The following MPP2 variants were observed in gnomAD, a reference collection of about 807,000 sequenced individuals.
The protein encoded by MPP2 is MAGUK p55 subfamily member 2.
Under a neutral mutation model 58.5 loss-of-function variants are expected in MPP2, and 42 were observed. The observed-to-expected ratio is 0.72, with a 90% CI of 0.56 to 0.93. MPP2 has a LOEUF of 0.93. Ranked by LOEUF, MPP2 falls within the 40% of genes least tolerant of loss-of-function variation. The pLI is 0.00. For synonymous variants in MPP2, 300 were observed against 307.8 expected (o/e 0.97, Z 0.26); for missense variants, 632 against 760.4 (o/e 0.83, Z 1.99).
chr17:43,892,980 TTTGATGGATGGATGGATGGATGGA>T (rs2047670800), intron 3 of MPP2, among the ~76,000 whole-genome samples: 1 of 141,468 alleles, frequency 7.1e-6, no homozygotes, highest in Non-Finnish European at 1.5e-5. Context: ...AAAATAGGTA[TTTGATGGATGGATGGATGGATGGA>T]TGGATGGATG....
intron 12 of MPP2, among the ~76,000 whole-genome samples, chr17:43,878,431 T>C (rs1430784116): frequency 6.6e-6 from 1 of 152,082 alleles, no homozygotes; most frequent in African/African-American, 2.4e-5. Context: ...AATCCACAAG[T>C]ACCCAGGGCA....
rs953978332 is a variant in MPP2 at position 43,882,375 on chromosome 17, G to C, written c.590C>G (p.Pro197Arg). The C allele has an allele frequency of 5.0e-6, 8 of 1,612,260 alleles. No individual in the cohort carries two copies. Among genetic ancestry groups the C allele is most frequent in the Non-Finnish European group, 6.8e-6 (8 of 1,179,968 alleles). The change falls in exon 6 of 13, where the codon CCC (proline) becomes CGC (arginine). Residue 197 changes from proline to arginine, a missense_variant. Physicochemically the swap from Pro to Arg is moderately radical, Grantham distance 103. Coordinates refer to ENST00000269095, the MANE Select transcript of MPP2 (RefSeq NM_005374.5). The stretch of plus-strand genomic sequence containing the variant: ...GCGCAGGAGCTCCTGCAGTGCGCGG[G>C]GGTCACTGCCCACTGGCTGCCCGTT... ...EVNGQPVGSD[P>R]RALQELLRNA...
At chr17:43,893,057 C>T (rs900340800) in intron 3 of MPP2, among the ~76,000 whole-genome samples, 3 of 151,994 alleles carry the variant, frequency 2.0e-5, no homozygotes, top group Admixed American at 6.6e-5. Context: ...AATGACATAG[C>T]CAGCCAGCCA....
chr17:43,877,039 G>A lies in MPP2; in HGVS notation c.*768C>T, dbSNP rs1173139534. 1 of 152,760 alleles carries A rather than the reference G, an allele frequency of 6.5e-6. No homozygotes were observed. Among genetic ancestry groups the A allele is most frequent in the African/African-American group, 2.4e-5 (1 of 41,486 alleles). The allele number at this position is 152,760 out of a possible 1,614,324, so 9.5% of individuals were successfully genotyped here. On this transcript the variant is annotated 3_prime_UTR_variant, in exon 13 of 13. Coordinates refer to ENST00000269095, the MANE Select transcript of MPP2 (RefSeq NM_005374.5). ...CAGCCCTCCATCCTGCCCCTACCTG[G>A]GCTGAGCCCACTGGCCCCTGCCAGC...
upstream of MPP2, chr17:43,907,655 T>G: frequency 1.0e-6 from 1 of 985,618 alleles, no homozygotes; most frequent in Non-Finnish European, 1.2e-6. Flanking sequence ...GAGGAAGTAG[T>G]CTTTCCCAGC....
chr17:43,900,486 C>G (rs2048043090), intron 2 of MPP2: 1 of 1,548,696 alleles, frequency 6.5e-7, no homozygotes, highest in East Asian at 2.4e-5. Flanking sequence ...CTCTGGAGCT[C>G]CGCTTCCTCA....
intron 3 of MPP2, among the ~76,000 whole-genome samples, chr17:43,895,710 T>G (rs897487074): frequency 1.2e-4 from 18 of 152,176 alleles, no homozygotes; most frequent in African/African-American, 4.1e-4. Context: ...CTATGTTACA[T>G]GAACTGCACT....
Position 43,879,314 on chromosome 17 carries a change from C to T in MPP2, c.1443G>A (p.Arg481=). 6.2e-7 allele frequency: 1 copy of T among 1,614,202 alleles called. No individual in the cohort carries two copies. The part of the protein sequence containing the change: ...PDFETLRAMN[R]AALESGISTK... The stretch of plus-strand genomic sequence containing the variant: ...TGGATATTCCACTCTCCAGCGCAGC[C>T]CTGTTCATGGCCCGCAGGGTCTCGA... The change falls in exon 12 of 13, where the codon AGG becomes AGA. Residue 481 remains arginine (R), a synonymous_variant. Transcript: ENST00000269095. The surrounding 1 kb of genome is among the most constrained non-coding windows in gnomAD (Gnocchi z 4.1).
chr17:43,906,349 C>T (rs538266211), intron 1 of MPP2, among the ~76,000 whole-genome samples: 1 of 152,338 alleles, frequency 6.6e-6, no homozygotes, highest in Non-Finnish European at 1.5e-5. Flanking sequence ...CAGTGCCAGG[C>T]AAGCTAGCCT....
chr17:43,880,746 G>C lies in MPP2; in HGVS notation c.1095C>G (p.Ser365Arg), dbSNP rs200893593. The change falls in exon 10 of 13, where the codon AGC (serine) becomes AGG (arginine). Residue 365 changes from serine to arginine, a missense_variant. Transcript: ENST00000269095. This position sits in a 1 kb window ranked among gnomAD's most constrained non-coding sequence, Gnocchi z 5.2. ...LIGAQGVGRR[S>R]LKNKLIMWDP... ...CCCACATGATGAGCTTGTTCTTCAG[G>C]CTGCGCCGTCCCACGCCCTGAGCCC... is the stretch of plus-strand genomic sequence containing the variant. 1 of 1,613,984 alleles carries C rather than the reference G, an allele frequency of 6.2e-7. No homozygotes were observed. Among genetic ancestry groups the C allele is most frequent in the East Asian group, 2.2e-5 (1 of 44,880 alleles).
chr17:43,883,487 C>T, intron 3 of MPP2, 132 bp from the exon 4 acceptor site: 1 of 943,364 alleles, frequency 1.1e-6, no homozygotes, highest in South Asian at 1.7e-5. Context: ...GCTCCTCACT[C>T]ACTGACAATC....
chr17:43,887,361 G>A (rs2047413211), intron 3 of MPP2, among the ~76,000 whole-genome samples: 1 of 152,120 alleles, frequency 6.6e-6, no homozygotes, highest in Non-Finnish European at 1.5e-5. Flanking sequence ...TCCAGCCTGA[G>A]TGACAGAGCA....
intron 3 of MPP2, among the ~76,000 whole-genome samples, chr17:43,894,042 A>G (rs1646296677): frequency 6.6e-6 from 1 of 151,414 alleles, no homozygotes; most frequent in Non-Finnish European, 1.5e-5. Context: ...TGGGAGGCTG[A>G]GGCAGGCGAA....
intron 3 of MPP2, among the ~76,000 whole-genome samples, chr17:43,883,716 G>C (rs1401070299): frequency 6.7e-6 from 1 of 149,992 alleles, no homozygotes; most frequent in Non-Finnish European, 1.5e-5. Flanking sequence ...GGTTGGGTGG[G>C]GCCTTGAAGA....
At chr17:43,883,920 C>T (rs1033548335) in intron 3 of MPP2, among the ~76,000 whole-genome samples, 2 of 152,112 alleles carry the variant, frequency 1.3e-5, no homozygotes, top group African/African-American at 2.4e-5. Context: ...TACCAAGGAG[C>T]GCTGAAAACA....
chr17:43,895,805 T>C (rs2047817991), intron 3 of MPP2, among the ~76,000 whole-genome samples: 1 of 152,160 alleles, frequency 6.6e-6, no homozygotes, highest in African/African-American at 2.4e-5. Flanking sequence ...TCCCAGCTTC[T>C]TGTCTTTATC....
intron 3 of MPP2, among the ~76,000 whole-genome samples, chr17:43,893,852 C>A (rs2047706689): frequency 6.6e-6 from 1 of 152,196 alleles, no homozygotes; most frequent in Non-Finnish European, 1.5e-5. Flanking sequence ...CACCACACCG[C>A]AGTTCAAATG....
Position 43,877,234 on chromosome 17 carries a change from A to G in MPP2, c.*573T>C, listed in dbSNP as rs231522. The G allele has an allele frequency of 0.88, 135,255 of 153,018 alleles. 59,908 individuals are homozygous for G. Among genetic ancestry groups the G allele is most frequent in the East Asian group, 1 (5,169 of 5,174 alleles). The allele number at this position is 153,018 out of a possible 1,614,324, so 9.5% of individuals were successfully genotyped here. On this transcript the variant is annotated 3_prime_UTR_variant, in exon 13 of 13. Coordinates refer to ENST00000269095, the MANE Select transcript of MPP2 (RefSeq NM_005374.5). The stretch of plus-strand genomic sequence containing the variant: ...GCAGTGCTCTGCAGCTGTGGCCACT[A>G]GCTCTCACTCTGACTCCTCCAGCCT...
At chr17:43,890,538 G>A (rs1191584611) in intron 3 of MPP2, among the ~76,000 whole-genome samples, 4 of 152,130 alleles carry the variant, frequency 2.6e-5, no homozygotes, top group Admixed American at 6.6e-5. Context: ...CCAACCCCCC[G>A]ATCATGGCAA....
Sources: gnomAD v4.1 joint callset for allele counts (sites outside exome capture counted in the v4.1 genomes callset) on GRCh38, gnomAD v4.1.1 for gene constraint, Gnocchi (gnomAD v3.1) non-coding constraint, MANE v1.5 for transcripts, NCBI Gene and HGNC (gene_info 2026-07-23, HGNC 2026-07-21) for gene names.